Variants in AOPEP observed in about 807,000 individuals in gnomAD.
AOPEP encodes aminopeptidase O (putative), also known as aminopeptidase O.
AOPEP carries 77 observed loss-of-function variants against 98.1 expected under a neutral mutation model. That is an observed-to-expected ratio of 0.78 (90% confidence interval 0.65 to 0.95). The LOEUF is 0.95. AOPEP is among the 40% of genes least tolerant of loss of function. AOPEP has a pLI of 0.00. For synonymous variants in AOPEP, 346 were observed against 365.3 expected (o/e 0.95, Z 0.60); for missense variants, 1,024 against 1,024.7 (o/e 1.00, Z 0.01).
At chr9:94,921,778 A>T (rs1351148337) in intron 5 of AOPEP, among the ~76,000 whole-genome samples, 6 of 152,156 alleles carry the variant, frequency 3.9e-5, no homozygotes, top group Admixed American at 3.9e-4. Flanking sequence ...TCCCAGCCGG[A>T]AAATTGCTTT....
intron 7 of AOPEP, among the ~76,000 whole-genome samples, chr9:94,948,858 T>C (rs553971393): frequency 6.6e-6 from 1 of 152,204 alleles, no homozygotes; most frequent in Non-Finnish European, 1.5e-5. Context: ...CAACTTCACC[T>C]CCAAAGCCCT....
chr9:94,928,518 A>ATGC lies in AOPEP; in HGVS notation c.1649_1651dup (p.Met550_Gln551insLeu). ...CGAGATGCAATGCTCCCCCGAGGAG[A>ATGC]TGCAGGTGTTAAGGTAAAGCTGCAT... is the stretch of plus-strand genomic sequence containing the variant. On this transcript the variant is annotated inframe_insertion, in exon 7 of 17. Transcript: ENST00000375315. The ATGC allele has an allele frequency of 6.4e-7, 1 of 1,550,622 alleles. No individual in the cohort carries two copies.
At chr9:95,008,811 G>A (rs7865144) in intron 13 of AOPEP, among the ~76,000 whole-genome samples, 124,436 of 152,126 alleles carry the variant, frequency 0.82, 51,630 homozygotes, top group Non-Finnish European at 0.89. Flanking sequence ...TGTCTCATGC[G>A]TCTTTTCATA....
At chr9:94,937,623 C>G (rs2056457620) in intron 7 of AOPEP, among the ~76,000 whole-genome samples, 2 of 152,200 alleles carry the variant, frequency 1.3e-5, no homozygotes, top group Admixed American at 1.3e-4. Flanking sequence ...AAGATGTTGT[C>G]TCTATTTAGA....
At chr9:95,024,149 G>C (rs1031094918) in intron 13 of AOPEP, among the ~76,000 whole-genome samples, 2 of 152,166 alleles carry the variant, frequency 1.3e-5, no homozygotes, top group African/African-American at 4.8e-5. Flanking sequence ...TGTTAGATCA[G>C]CCAGCCGGCT....
At chr9:94,877,015 C>T (rs1239660392) in intron 5 of AOPEP, among the ~76,000 whole-genome samples, 1 of 152,126 alleles carries the variant, frequency 6.6e-6, no homozygotes, top group East Asian at 1.9e-4. Context: ...CAAAAGTGAG[C>T]CCCCAGGAGC....
chr9:94,949,924 C>T (rs907363517), intron 7 of AOPEP, among the ~76,000 whole-genome samples: 3 of 152,140 alleles, frequency 2.0e-5, no homozygotes, highest in African/African-American at 7.2e-5. Flanking sequence ...TTATGTGGCT[C>T]TTGAAATTTG....
chr9:95,030,783 A>G (rs1365451104), intron 13 of AOPEP, among the ~76,000 whole-genome samples: 1 of 152,180 alleles, frequency 6.6e-6, no homozygotes, highest in Non-Finnish European at 1.5e-5. Flanking sequence ...TAGGCGCAAT[A>G]TGGAAATTAT....
chr9:95,111,606 G>A, the AOPEP span: 3 of 1,614,060 alleles, frequency 1.9e-6, no homozygotes, highest in African/African-American at 2.7e-5. Flanking sequence ...TGAATGAACA[G>A]GAACCAGCTC....
At chr9:94,814,246 C>T (rs1368302096) in intron 5 of AOPEP, among the ~76,000 whole-genome samples, 1 of 152,216 alleles carries the variant, frequency 6.6e-6, no homozygotes, top group Non-Finnish European at 1.5e-5. Context: ...GAGCCCAAAT[C>T]CTGCAAAATC....
chr9:94,744,145 G>A lies in AOPEP; in HGVS notation c.-135-15504G>A, dbSNP rs545218653. Reference sequence around the variant, plus strand: ...CGCGGTGGCTTATGCCTGTAATCCAGACTTTGGGAGGCTGAGGCGGGCGGA... The same window carrying A: ...CGCGGTGGCTTATGCCTGTAATCCAAACTTTGGGAGGCTGAGGCGGGCGGA... On this transcript the variant is annotated intron_variant, in intron 1 of 16. Coordinates refer to ENST00000375315, the MANE Select transcript of AOPEP (RefSeq NM_001193329.3). 4.0e-5 allele frequency among the ~76,000 whole-genome samples: 6 copies of A among 151,566 alleles called. No homozygotes were observed. In the East Asian group the frequency reaches 1.2e-3, roughly 30 times the overall value.
rs139020610 is a variant in AOPEP at position 95,024,003 on chromosome 9, T to C, written c.2115+18387T>C. Among the ~76,000 whole-genome samples the C allele has an allele frequency of 1.2e-3, 184 of 152,354 alleles. 1 individual carries two copies. The highest frequency in any genetic ancestry group is 4.3e-3 in the African/African-American group (178 of 41,578). ...TCAAGTAGTTAAAAGGGTCATTGGA[T>C]AAAGCTCAGTGGACCGACACTGGCT... On this transcript the variant is annotated intron_variant, in intron 13 of 16. Transcript: ENST00000375315.
chr9:94,928,413 G>T lies in AOPEP; in HGVS notation c.1555-12G>T. 6.5e-7 allele frequency: 1 copy of T among 1,540,410 alleles called. No individual in the cohort carries two copies. ...TTTGTGCATGTGTGTCTGTGTGTCT[G>T]TGGCTGAGCAGCTGGCCCCCTATGA... On this transcript the variant is annotated splice_polypyrimidine_tract_variant and intron_variant, in intron 6 of 16. Coordinates refer to ENST00000375315, the MANE Select transcript of AOPEP (RefSeq NM_001193329.3).
intron 1 of AOPEP, among the ~76,000 whole-genome samples, chr9:94,744,142 C>A (rs917997400): frequency 5.7e-5 from 8 of 141,030 alleles, no homozygotes; most frequent in Admixed American, 1.4e-4. Flanking sequence ...TGCCTGTAAT[C>A]CAGACTTTGG....
intron 13 of AOPEP, among the ~76,000 whole-genome samples, chr9:95,009,606 GTA>G (rs1284871599): frequency 6.6e-6 from 1 of 152,188 alleles, no homozygotes; most frequent in Non-Finnish European, 1.5e-5. Context: ...GCTATTACGT[GTA>G]TTAGCGTTTC....
the AOPEP span, chr9:95,110,115 T>TCCAAA: frequency 5.7e-6 from 2 of 349,148 alleles, no homozygotes; most frequent in Non-Finnish European, 8.1e-6. Flanking sequence ...TACGTTCTCA[T>TCCAAA]CCAAAATCCT....
At position 94,934,256 on chromosome 9, in the gene AOPEP, C is replaced by G. The variant is rs78101576; in HGVS notation, c.1661+5725C>G. On this transcript the variant is annotated intron_variant, in intron 7 of 16. Transcript: ENST00000375315. ...CACCCACGGTCCTCTGTCCTCCACC[C>G]TCCCTCCCTTCCCTCTCCCTCTCCC... 6.6e-3 allele frequency among the ~76,000 whole-genome samples: 1,005 copies of G among 151,740 alleles called. 11 individuals are homozygous for G. The highest frequency in any genetic ancestry group is 0.023 in the African/African-American group (954 of 41,254).
At chr9:94,866,512 T>A (rs529887617) in intron 5 of AOPEP, among the ~76,000 whole-genome samples, 1 of 152,344 alleles carries the variant, frequency 6.6e-6, no homozygotes, top group South Asian at 2.1e-4. Flanking sequence ...ATAATGTTTT[T>A]AATAAACTAA....
the AOPEP span, among the ~76,000 whole-genome samples, chr9:95,144,228 T>A: frequency 6.6e-6 from 1 of 152,210 alleles, no homozygotes; most frequent in Non-Finnish European, 1.5e-5. Flanking sequence ...TACGGGAAAG[T>A]GTCCATGGAG....
Sources: allele counts gnomAD v4.1 joint callset (sites outside exome capture counted in the v4.1 genomes callset), GRCh38; gene constraint gnomAD v4.1.1; transcripts MANE v1.5; gene names NCBI Gene and HGNC (gene_info 2026-07-23, HGNC 2026-07-21).